The following PDE4B variants were observed in gnomAD, a reference collection of about 807,000 sequenced individuals.
The protein encoded by PDE4B is 3',5'-cyclic-AMP phosphodiesterase 4B.
In PDE4B, 20 loss-of-function variants were observed where a neutral mutation model predicts 82.2. The ratio of observed to expected loss-of-function variants is 0.24; its 90% CI spans 0.17 to 0.35. The LOEUF is 0.35. Among genes scored for constraint, PDE4B ranks in the 10% least tolerant of loss-of-function variants. PDE4B has a pLI of 1.00. For synonymous variants in PDE4B, 320 were observed against 318.9 expected, an observed-to-expected ratio of 1.00 and a Z score of -0.04; for missense variants, 655 against 907.2, an observed-to-expected ratio of 0.72 and a Z score of 3.57.
chr1:66,269,140 G>GT (rs1166850504), intron 7 of PDE4B, among the ~76,000 whole-genome samples: 1 of 152,148 alleles, frequency 6.6e-6, no homozygotes, highest in Non-Finnish European at 1.5e-5. Flanking sequence ...TTCAAATTGT[G>GT]TTTTTTCACT....
At chr1:66,127,367 G>T (rs932292439) in intron 3 of PDE4B, among the ~76,000 whole-genome samples, 4 of 152,036 alleles carry the variant, frequency 2.6e-5, no homozygotes, top group Non-Finnish European at 4.4e-5. Flanking sequence ...GTCTTTACAC[G>T]TTAGGGATAC....
intron 3 of PDE4B, among the ~76,000 whole-genome samples, chr1:66,119,488 C>T (rs1056738383): frequency 1.0e-4 from 8 of 79,682 alleles, no homozygotes; most frequent in African/African-American, 1.5e-4. Flanking sequence ...GTATTCACTT[C>T]CCAGGAGAAA....
chr1:66,078,425 G>A (rs912436363), intron 3 of PDE4B, among the ~76,000 whole-genome samples: 9 of 151,922 alleles, frequency 5.9e-5, no homozygotes, highest in Admixed American at 5.9e-4. Context: ...GGCCAGACTG[G>A]TCTCGAACTC....
At chr1:66,359,893 A>G (rs1436367959) in intron 9 of PDE4B, among the ~76,000 whole-genome samples, 1 of 152,208 alleles carries the variant, frequency 6.6e-6, no homozygotes, top group Non-Finnish European at 1.5e-5. Flanking sequence ...CCTGGGTTCT[A>G]TGCTACTAAA....
chr1:66,172,697 A>G (rs1398547185), intron 3 of PDE4B, among the ~76,000 whole-genome samples: 1 of 152,180 alleles, frequency 6.6e-6, no homozygotes, highest in Non-Finnish European at 1.5e-5. Context: ...TTTTCTGATG[A>G]TTAGTGATGT....
rs548810927 is a variant in PDE4B at position 66,365,540 on chromosome 1, T to C, written c.1285-127T>C. ...ATCTACATTTACTTAAATTAGTATA[T>C]TGAGATATTACATAAATCAACAATC... On this transcript the variant is annotated intron_variant, in intron 12 of 16. Transcript: ENST00000341517. 3.8e-4 allele frequency: 217 copies of C among 567,060 alleles called. No homozygotes were observed. In the South Asian group the frequency reaches 5.3e-3, roughly 14 times the overall value. The allele number at this position is 567,060 out of a possible 1,614,324, so 35.1% of individuals were successfully genotyped here. A position where few individuals can be genotyped will look rare whatever the true frequency, so the allele number is the denominator to read the frequency against.
intron 3 of PDE4B, among the ~76,000 whole-genome samples, chr1:65,943,497 C>T (rs935643440): frequency 7.2e-5 from 11 of 151,756 alleles, no homozygotes; most frequent in African/African-American, 2.7e-4. Context: ...TTCTATGGTT[C>T]CAAACAAATT....
intron 3 of PDE4B, among the ~76,000 whole-genome samples, chr1:66,009,267 A>C (rs1652331146): frequency 6.6e-6 from 1 of 152,172 alleles, no homozygotes; most frequent in Non-Finnish European, 1.5e-5. Flanking sequence ...AACATTCACA[A>C]GGAAGCGAGA....
intron 3 of PDE4B, among the ~76,000 whole-genome samples, chr1:66,113,698 G>A (rs1156449964): frequency 6.6e-6 from 1 of 152,168 alleles, no homozygotes. Flanking sequence ...GATATGCAAA[G>A]ATATATTTAC....
intron 1 of PDE4B, among the ~76,000 whole-genome samples, chr1:65,885,475 T>C (rs1295362755): frequency 6.6e-6 from 1 of 152,114 alleles, no homozygotes; most frequent in Admixed American, 6.6e-5. Flanking sequence ...TTTCCATCAA[T>C]GATAGACTGG....
intron 3 of PDE4B, among the ~76,000 whole-genome samples, chr1:66,023,560 GCCC>G (rs2100775302): frequency 6.6e-6 from 1 of 152,262 alleles, no homozygotes; most frequent in African/African-American, 2.4e-5. Flanking sequence ...GCAATAGCAG[GCCC>G]TATAGTAATG....
Position 66,208,523 on chromosome 1 carries a change from A to G in PDE4B, c.282-38937A>G, listed in dbSNP as rs556378327. 8.5e-5 allele frequency among the ~76,000 whole-genome samples: 13 copies of G among 152,350 alleles called. No individual in the cohort carries two copies. In the East Asian group the frequency reaches 2.1e-3, roughly 25 times the overall value. ...CCTAAAGTAATTGTCAAGAGAAGCTATGCTAATCTTCCTCTTCAGAATATT... is the reference window on the plus strand; with the variant it reads ...CCTAAAGTAATTGTCAAGAGAAGCTGTGCTAATCTTCCTCTTCAGAATATT... On this transcript the variant is annotated intron_variant, in intron 3 of 16. Coordinates refer to ENST00000341517, the MANE Select transcript of PDE4B (RefSeq NM_002600.4).
chr1:65,916,323 AC>A (rs1647159184), intron 2 of PDE4B, among the ~76,000 whole-genome samples: 1 of 152,140 alleles, frequency 6.6e-6, no homozygotes, highest in African/African-American at 2.4e-5. Context: ...GATAGGTGTG[AC>A]TTTTTTATTT....
intron 3 of PDE4B, among the ~76,000 whole-genome samples, chr1:66,120,972 T>A (rs1645697431): frequency 6.6e-6 from 1 of 152,222 alleles, no homozygotes; most frequent in Non-Finnish European, 1.5e-5. Flanking sequence ...CCTTTAATGA[T>A]TATGCATGTG....
intron 7 of PDE4B, among the ~76,000 whole-genome samples, chr1:66,304,422 C>T (rs1037397106): frequency 2.4e-4 from 37 of 152,152 alleles, no homozygotes; most frequent in African/African-American, 8.7e-4. Context: ...TCATTTCCTT[C>T]TGGAAATCTT....
chr1:65,978,418 GGCA>G (rs1254366005), intron 3 of PDE4B, among the ~76,000 whole-genome samples: 1 of 140,720 alleles, frequency 7.1e-6, no homozygotes, highest in Admixed American at 7.4e-5. Flanking sequence ...CTATGGATAA[GGCA>G]CTGAGAAACA....
rs1238161244 is a variant in PDE4B at position 66,372,544 on chromosome 1, G to C, written c.2077G>C (p.Glu693Gln). 2 of 1,614,186 alleles carry C rather than the reference G, an allele frequency of 1.2e-6. No homozygotes were observed. Among genetic ancestry groups the C allele is most frequent in the South Asian group, 2.2e-5 (2 of 91,088 alleles). ...TLDEEDSEGP[E>Q]KEGEGHSYFS... ...CGATGAGGAAGATTCTGAAGGACCT[G>C]AGAAGGAGGGAGAGGGACACAGCTA... The change falls in exon 17 of 17, where the codon GAG becomes CAG. Residue 693 changes from glutamate (E) to glutamine (Q), a missense_variant. Transcript: ENST00000341517.
chr1:66,055,672 C>T, intron 3 of PDE4B, among the ~76,000 whole-genome samples: 1 of 152,146 alleles, frequency 6.6e-6, no homozygotes. Flanking sequence ...ATGCTTTTCT[C>T]CAGTGCTTCA....
At chr1:66,051,667 C>A (rs1174378629) in intron 3 of PDE4B, among the ~76,000 whole-genome samples, 1 of 151,946 alleles carries the variant, frequency 6.6e-6, no homozygotes. Context: ...CTACTTTTGA[C>A]CTTCAAAAAC....
Sources: allele counts gnomAD v4.1 joint callset (sites outside exome capture counted in the v4.1 genomes callset), GRCh38; gene constraint gnomAD v4.1.1; transcripts MANE v1.5; gene names NCBI Gene and HGNC (gene_info 2026-07-23, HGNC 2026-07-21).